The following SNTG1 variants were observed in gnomAD, a reference collection of about 807,000 sequenced individuals.
SNTG1 encodes the protein syntrophin gamma 1.
Under a neutral mutation model 74.7 loss-of-function variants are expected in SNTG1, and 39 were observed. The observed-to-expected ratio is 0.52, with a 90% CI of 0.40 to 0.68. SNTG1 has a LOEUF of 0.68. SNTG1 is among the 30% of genes least tolerant of loss of function. SNTG1 has a pLI of 0.00. For synonymous variants in SNTG1, 254 were observed against 217.1 expected, an observed-to-expected ratio of 1.17 and a Z score of -1.49; for missense variants, 685 against 609.5, an observed-to-expected ratio of 1.12 and a Z score of -1.30.
intron 1 of SNTG1, among the ~76,000 whole-genome samples, chr8:49,987,884 G>A (rs34179442): frequency 0.45 from 68,821 of 151,866 alleles, 19,285 homozygotes; most frequent in Non-Finnish European, 0.59. Context: ...TCCTGACCTC[G>A]CGATCTGCCC....
intron 1 of SNTG1, among the ~76,000 whole-genome samples, chr8:50,036,759 G>A (rs1353921445): frequency 2.6e-5 from 4 of 152,098 alleles, no homozygotes; most frequent in African/African-American, 9.7e-5. Flanking sequence ...CTCTTCTTCG[G>A]CTGAAGTAAG....
At chr8:50,548,080 G>A (rs376511183) in intron 11 of SNTG1, among the ~76,000 whole-genome samples, 1 of 152,178 alleles carries the variant, frequency 6.6e-6, no homozygotes, top group East Asian at 1.9e-4. Context: ...TGGGGTCCCA[G>A]AGATCAATTG....
rs140358773 is a variant in SNTG1, at chr8:50,290,091, C to G, written c.-27-104121C>G. 4.0e-3 allele frequency among the ~76,000 whole-genome samples: 606 copies of G among 152,256 alleles called. 5 individuals carry two copies. The highest frequency in any genetic ancestry group is 0.014 in the African/African-American group (568 of 41,550). On this transcript the variant is annotated intron_variant, in intron 2 of 18. Coordinates refer to ENST00000642720, the MANE Select transcript of SNTG1 (RefSeq NM_018967.5). ...AGCAGGATTCCTGGATGACTGCTAT[C>G]CAGTTTTATCTTCCAGGAACCATAG... is the stretch of plus-strand genomic sequence containing the variant.
At chr8:50,029,812 G>A (rs1817592683) in intron 1 of SNTG1, among the ~76,000 whole-genome samples, 1 of 152,082 alleles carries the variant, frequency 6.6e-6, no homozygotes, top group Non-Finnish European at 1.5e-5. Flanking sequence ...ATAAACACAG[G>A]AGCGTAGATA....
chr8:50,221,276 G>A (rs940383430), intron 2 of SNTG1, among the ~76,000 whole-genome samples: 1 of 151,954 alleles, frequency 6.6e-6, no homozygotes, highest in Non-Finnish European at 1.5e-5. Flanking sequence ...TGTAATGTGG[G>A]AAATGCAAGA....
chr8:50,496,719 A>T (rs948481878), intron 8 of SNTG1, among the ~76,000 whole-genome samples: 1 of 152,134 alleles, frequency 6.6e-6, no homozygotes, highest in East Asian at 1.9e-4. Context: ...GATTGTCACC[A>T]TTTATCAACC....
chr8:49,943,908 T>C (rs1451597104), intron 1 of SNTG1, among the ~76,000 whole-genome samples: 3 of 152,228 alleles, frequency 2.0e-5, no homozygotes, highest in Non-Finnish European at 4.4e-5. Context: ...GAGTAATGCA[T>C]TTATTTTTTT....
rs1307861781 is a variant in SNTG1, at chr8:49,933,845, G to C, written c.-103+21614G>C. Among the ~76,000 whole-genome samples, 6 of 152,128 alleles carry C rather than the reference G, an allele frequency of 3.9e-5. No homozygotes were observed. The South Asian group carries it at 1.2e-3, about 32-fold the overall frequency. On this transcript the variant is annotated intron_variant, in intron 1 of 18. Transcript: ENST00000642720. Reference sequence around the variant, plus strand: ...TAATTCATGTGATGCATATTTATTGGTAACCTCCTGGACTTGGTTGTGGAG... The same window carrying C: ...TAATTCATGTGATGCATATTTATTGCTAACCTCCTGGACTTGGTTGTGGAG...
At chr8:50,469,193 C>T (rs1478558973) in intron 8 of SNTG1, among the ~76,000 whole-genome samples, 5 of 152,130 alleles carry the variant, frequency 3.3e-5, no homozygotes, top group Non-Finnish European at 7.4e-5. Flanking sequence ...GCATTTTCTA[C>T]TATTGTTTGC....
intron 17 of SNTG1, 70 bp downstream of exon 17, chr8:50,709,048 C>A: frequency 9.2e-7 from 1 of 1,089,964 alleles, no homozygotes; most frequent in Non-Finnish European, 1.4e-6. Context: ...TTAAATGCCT[C>A]ATAACTCCTT....
intron 12 of SNTG1, among the ~76,000 whole-genome samples, chr8:50,587,841 A>G (rs987028672): frequency 9.1e-5 from 12 of 131,458 alleles, no homozygotes; most frequent in Admixed American, 3.1e-4. Flanking sequence ...TTAGCGGCTC[A>G]TGGCTCATGC....
chr8:50,622,565 TA>T (rs2094930129), intron 13 of SNTG1, among the ~76,000 whole-genome samples: 1 of 152,184 alleles, frequency 6.6e-6, no homozygotes, highest in Admixed American at 6.5e-5. Context: ...TCTTTATTTG[TA>T]AATTAACCAT....
chr8:50,407,892 G>T (rs1184693363), intron 4 of SNTG1, among the ~76,000 whole-genome samples: 3 of 152,138 alleles, frequency 2.0e-5, no homozygotes, highest in Non-Finnish European at 4.4e-5. Flanking sequence ...ACTGTCCTCA[G>T]GCATTTAGTT....
rs999846435 is a variant in SNTG1, at chr8:50,329,990, T to C, written c.-27-64222T>C. Among the ~76,000 whole-genome samples the C allele has an allele frequency of 2.6e-5, 4 of 152,330 alleles. No individual in the cohort carries two copies. In the East Asian group the frequency reaches 7.7e-4, roughly 29 times the overall value. On this transcript the variant is annotated intron_variant, in intron 2 of 18. Coordinates refer to ENST00000642720, the MANE Select transcript of SNTG1 (RefSeq NM_018967.5). ...GCTACAGCACAGCAAGAGTGACATT[T>C]GCTCCAGTTCCCAAGAAGTTCCGCG...
At chr8:50,159,087 C>T (rs982774139) in intron 1 of SNTG1, among the ~76,000 whole-genome samples, 4 of 152,022 alleles carry the variant, frequency 2.6e-5, no homozygotes, top group South Asian at 4.1e-4. Context: ...GATGACCGGC[C>T]GTTTGGGTTT....
chr8:50,311,388 G>T (rs1299223093), intron 2 of SNTG1, among the ~76,000 whole-genome samples: 5 of 152,156 alleles, frequency 3.3e-5, no homozygotes, highest in African/African-American at 1.2e-4. Context: ...CATTTTAAAT[G>T]CAGAGCCTAA....
intron 1 of SNTG1, among the ~76,000 whole-genome samples, chr8:50,011,134 T>C (rs548865941): frequency 6.6e-6 from 1 of 152,150 alleles, no homozygotes; most frequent in African/African-American, 2.4e-5. Flanking sequence ...TAATAAATAT[T>C]GAGGATGACA....
intron 12 of SNTG1, among the ~76,000 whole-genome samples, chr8:50,579,560 A>G (rs73676305): frequency 0.012 from 1,884 of 152,034 alleles, 36 homozygotes; most frequent in African/African-American, 0.041. Flanking sequence ...GGCCTGGTCC[A>G]GGCCCCCCTG....
intron 8 of SNTG1, among the ~76,000 whole-genome samples, chr8:50,492,264 G>C (rs1184613675): frequency 1.3e-5 from 2 of 152,076 alleles, no homozygotes; most frequent in Non-Finnish European, 2.9e-5. Context: ...AATAGGATTG[G>C]TGGGTTAAAT....
Sources: gnomAD v4.1 joint callset for allele counts (sites outside exome capture counted in the v4.1 genomes callset) on GRCh38, gnomAD v4.1.1 for gene constraint, MANE v1.5 for transcripts, NCBI Gene and HGNC (gene_info 2026-07-23, HGNC 2026-07-21) for gene names.